Variants in TLE1 observed in about 807,000 individuals in gnomAD.
TLE1 encodes TLE family member 1, transcriptional corepressor.
A neutral mutation model predicts 89.8 loss-of-function variants in TLE1; 21 were observed. That is an observed-to-expected ratio of 0.23 (90% CI 0.17 to 0.34). The LOEUF (loss-of-function observed/expected upper bound fraction) is 0.34. Among genes scored for constraint, TLE1 ranks in the 10% least tolerant of loss-of-function variants. The pLI is 1.00. For synonymous variants in TLE1, 447 were observed against 407.6 expected, an observed-to-expected ratio of 1.10 and a Z score of -1.16; for missense variants, 795 against 1,031.2, an observed-to-expected ratio of 0.77 and a Z score of 3.14.
At chr9:81,687,875 G>A (rs373741689) in intron 1 of TLE1, among the ~76,000 whole-genome samples, 4 of 152,052 alleles carry the variant, frequency 2.6e-5, no homozygotes, top group East Asian at 1.9e-4. Flanking sequence ...GGGCCGCATT[G>A]ACATGTAAAT....
intron 4 of TLE1, among the ~76,000 whole-genome samples, chr9:81,666,004 T>G (rs1393464282): frequency 2.0e-5 from 3 of 152,138 alleles, no homozygotes; most frequent in African/African-American, 7.2e-5. Flanking sequence ...AGCAGAGCAT[T>G]TGGGCTTTAA....
intron 6 of TLE1, among the ~76,000 whole-genome samples, chr9:81,642,383 T>A (rs1321343448): frequency 2.0e-5 from 3 of 151,956 alleles, no homozygotes; most frequent in South Asian, 2.1e-4. Flanking sequence ...TGGGTATATA[T>A]CTAAAGAAAA....
intron 14 of TLE1, 95 bp downstream of exon 14, chr9:81,610,125 G>T: frequency 1.8e-6 from 2 of 1,109,140 alleles, no homozygotes; most frequent in Non-Finnish European, 2.7e-6. Context: ...CCTTGGAAAC[G>T]CCCAAGCCTG....
chr9:81,585,533 G>A lies in TLE1; in HGVS notation c.2100C>T (p.Cys700=), dbSNP rs375370302. The A allele has an allele frequency of 1.2e-5, 19 of 1,613,792 alleles. No individual in the cohort carries two copies. In the Middle Eastern group the frequency reaches 6.7e-4, roughly 57 times the overall value. ...DKYQLHLHES[C]VLSLKFAYCG... ...AGTAAGCAAATTTCAGGGACAGCACGCAGCTCTCATGCAGGTGCAGCTGGT... is the reference window on the plus strand; with the variant it reads ...AGTAAGCAAATTTCAGGGACAGCACACAGCTCTCATGCAGGTGCAGCTGGT... Residue 700 remains cysteine, a synonymous_variant, in exon 18 of 20, where the codon TGC becomes TGT. Transcript: ENST00000376499.
intron 4 of TLE1, among the ~76,000 whole-genome samples, chr9:81,660,313 C>T (rs1183844523): frequency 6.7e-6 from 1 of 148,960 alleles, no homozygotes; most frequent in Admixed American, 6.7e-5. Context: ...TAAACCATTA[C>T]TAAACAGTGC....
rs534715684 is a variant in TLE1, at chr9:81,609,980, G to A, written c.1331+240C>T. Reference sequence around the variant, plus strand: ...ACCTCCAGCTCTTTCCTCCCACCTCGTCCTCATCTCCAACAGTTTCTCTCC... The same window carrying A: ...ACCTCCAGCTCTTTCCTCCCACCTCATCCTCATCTCCAACAGTTTCTCTCC... On this transcript the variant is annotated intron_variant, in intron 14 of 19. Coordinates refer to ENST00000376499, the MANE Select transcript of TLE1 (RefSeq NM_005077.5). Among the ~76,000 whole-genome samples the A allele has an allele frequency of 1.3e-4, 20 of 152,256 alleles. No homozygotes were observed. In the South Asian group the frequency reaches 3.5e-3, roughly 27 times the overall value.
Position 81,624,566 on chromosome 9 carries a change from C to T in TLE1, c.595-4009G>A, listed in dbSNP as rs147888272. Among the ~76,000 whole-genome samples, 1,285 of 152,234 alleles carry T rather than the reference C, an allele frequency of 8.4e-3. 6 individuals carry two copies. Among genetic ancestry groups the T allele is most frequent in the Non-Finnish European group, 0.013 (879 of 67,996 alleles). On this transcript the variant is annotated intron_variant, in intron 8 of 19. Transcript: ENST00000376499. ...AAATAAATATTTAATCGAGAATCAG[C>T]TTTTTGATCAACATGAGAACCAGTG...
intron 4 of TLE1, among the ~76,000 whole-genome samples, chr9:81,678,128 C>T: frequency 6.6e-6 from 1 of 152,092 alleles, no homozygotes; most frequent in East Asian, 1.9e-4. Context: ...TACTATGAGA[C>T]CTTACAGGGG....
At chr9:81,643,329 T>C (rs562662157) in intron 6 of TLE1, among the ~76,000 whole-genome samples, 2 of 151,834 alleles carry the variant, frequency 1.3e-5, no homozygotes, top group Admixed American at 1.3e-4. Context: ...CTCCACCTCC[T>C]GGGTTCAAGC....
At chr9:81,679,900 A>G (rs1588246209) in intron 4 of TLE1, among the ~76,000 whole-genome samples, 1 of 152,224 alleles carries the variant, frequency 6.6e-6, no homozygotes. Context: ...ACTCAGATCC[A>G]TGGAAACTTA....
At chr9:81,682,715 A>G (rs939090314) in intron 4 of TLE1, among the ~76,000 whole-genome samples, 2 of 151,894 alleles carry the variant, frequency 1.3e-5, no homozygotes, top group Non-Finnish European at 2.9e-5. Context: ...GCACCCTAAC[A>G]CTCTGATGGT....
chr9:81,627,380 G>C (rs1487426495), intron 8 of TLE1, among the ~76,000 whole-genome samples: 1 of 151,258 alleles, frequency 6.6e-6, no homozygotes, highest in Non-Finnish European at 1.5e-5. Flanking sequence ...AATAAAACCT[G>C]AACGTTAATC....
At chr9:81,639,688 T>C (rs751469443) in intron 6 of TLE1, among the ~76,000 whole-genome samples, 1 of 149,942 alleles carries the variant, frequency 6.7e-6, no homozygotes, top group African/African-American at 2.5e-5. Flanking sequence ...GTTCAAGCTA[T>C]TCTTTGTGCC....
At chr9:81,641,426 A>G (rs1352221500) in intron 6 of TLE1, among the ~76,000 whole-genome samples, 2 of 152,184 alleles carry the variant, frequency 1.3e-5, no homozygotes, top group African/African-American at 4.8e-5. Context: ...CTTGAAGACA[A>G]TAACAAAAAC....
At chr9:81,647,569 C>T (rs1021032084) in intron 6 of TLE1, among the ~76,000 whole-genome samples, 4 of 152,182 alleles carry the variant, frequency 2.6e-5, no homozygotes, top group African/African-American at 7.2e-5. Context: ...CAACCACCAC[C>T]AACCAGGACT....
rs114270209 is a variant in TLE1, at chr9:81,686,947, G to A, written c.125+387C>T. Among the ~76,000 whole-genome samples the A allele has an allele frequency of 6.3e-3, 963 of 152,280 alleles. 9 individuals carry two copies. Among genetic ancestry groups the A allele is most frequent in the African/African-American group, 0.022 (896 of 41,542 alleles). The stretch of plus-strand genomic sequence containing the variant: ...ACCCAATTTTCTAGTATGGCAAACA[G>A]CGATTTCAACATGGCTTTGCTTCCC... On this transcript the variant is annotated intron_variant, in intron 2 of 19. Coordinates refer to ENST00000376499, the MANE Select transcript of TLE1 (RefSeq NM_005077.5).
At chr9:81,670,763 A>C (rs190997494) in intron 4 of TLE1, among the ~76,000 whole-genome samples, 1 of 151,810 alleles carries the variant, frequency 6.6e-6, no homozygotes, top group East Asian at 1.9e-4. Flanking sequence ...TGGGTATTTG[A>C]TCTTGGATAA....
Position 81,590,921 on chromosome 9 carries a change from C to T in TLE1, c.1713G>A (p.Thr571=), listed in dbSNP as rs143199419. 9.3e-6 allele frequency: 15 copies of T among 1,614,248 alleles called. No individual in the cohort carries two copies. Among genetic ancestry groups the T allele is most frequent in the African/African-American group, 2.7e-5 (2 of 75,068 alleles). The change falls in exon 16 of 20, where the codon ACG becomes ACA. Residue 571 remains threonine (T), a synonymous_variant. Transcript: ENST00000376499. Reference sequence around the variant, plus strand: ...GGGCGTAGCAGGCGGGGGCCGAGGACGTCAGCTCCGCCTTGATGCGCGGGG... The same window carrying T: ...GGGCGTAGCAGGCGGGGGCCGAGGATGTCAGCTCCGCCTTGATGCGCGGGG... The part of the protein sequence containing the change: ...APTPRIKAEL[T]SSAPACYALA...
At chr9:81,616,272 G>A in intron 10 of TLE1, 138 bp from the exon 11 acceptor site, 12 of 1,038,376 alleles carry the variant, frequency 1.2e-5, no homozygotes, top group Admixed American at 2.8e-5. Flanking sequence ...CCAACACCAT[G>A]TTATAAATGA....
Sources: allele counts gnomAD v4.1 joint callset (sites outside exome capture counted in the v4.1 genomes callset), GRCh38; gene constraint gnomAD v4.1.1; transcripts MANE v1.5; gene names NCBI Gene and HGNC (gene_info 2026-07-23, HGNC 2026-07-21).